The following HNRNPU variants were observed in gnomAD, a reference collection of about 807,000 sequenced individuals.
HNRNPU encodes the protein HNRNPU antisense RNA 1.
A neutral mutation model predicts 94.7 loss-of-function variants in HNRNPU; 5 were observed. The ratio of observed to expected loss-of-function variants is 0.05; its 90% confidence interval spans 0.03 to 0.11. HNRNPU has a LOEUF of 0.11. Ranked by LOEUF, HNRNPU falls within the 10% of genes least tolerant of loss-of-function variation. The pLI, the probability that HNRNPU is intolerant of heterozygous loss-of-function variation, is 1.00. For missense variants in HNRNPU, 710 were observed against 1,049.2 expected (o/e 0.68, Z 4.47); for synonymous variants, 434 against 381.6 (o/e 1.14, Z -1.60).
At chr1:244,862,947 A>G (rs1680878913) in intron 1 of HNRNPU, 1 of 582,264 alleles carries the variant, frequency 1.7e-6, no homozygotes, top group Non-Finnish European at 3.1e-6. Context: ...CTCCTCGATG[A>G]TTCGAGAAAG....
chr1:244,857,940 C>T, intron 7 of HNRNPU, 71 bp downstream of exon 7: 1 of 1,449,452 alleles, frequency 6.9e-7, no homozygotes, highest in Non-Finnish European at 9.4e-7. Flanking sequence ...TCATCTAGTT[C>T]TTCTAAATGT....
Position 244,853,477 on chromosome 1 carries a change from G to T in HNRNPU, c.*973C>A, listed in dbSNP as rs1680599492. 6.6e-6 allele frequency: 1 copy of T among 152,474 alleles called. No individual in the cohort carries two copies. Among genetic ancestry groups the T allele is most frequent in the South Asian group, 2.1e-4 (1 of 4,824 alleles). The allele number at this position is 152,474 out of a possible 1,614,324, so 9.4% of individuals were successfully genotyped here. On this transcript the variant is annotated 3_prime_UTR_variant, in exon 14 of 14. Transcript: ENST00000640218. ...AAGAAAAAGAAATCAGCAGGCTAAG[G>T]AGATACCCATTCAAGAACTGACATG...
chr1:244,859,042 G>A (rs1680755292), intron 5 of HNRNPU: 2 of 577,492 alleles, frequency 3.5e-6, no homozygotes, highest in South Asian at 2.3e-5. Flanking sequence ...ATTAGTTGAC[G>A]ATTTGCATAT....
chr1:244,859,560 A>G (rs940661691), intron 4 of HNRNPU, 186 bp from the exon 5 acceptor site: 1 of 412,016 alleles, frequency 2.4e-6, no homozygotes, highest in African/African-American at 2.0e-5. Context: ...AAATTTAAAG[A>G]GTTAAATACT....
rs969682819 is a variant in HNRNPU at position 244,850,480 on chromosome 1, C to A, written c.*3970G>T. ...TATGGAGTAGCTGTGCCCACACCCC[C>A]CCCCAAAAAAAAGCTTTAATAAAGG... On this transcript the variant is annotated 3_prime_UTR_variant, in exon 14 of 14. Coordinates refer to ENST00000640218, the MANE Select transcript of HNRNPU (RefSeq NM_031844.3). The A allele has an allele frequency of 7.1e-6, 1 of 140,590 alleles. No individual in the cohort carries two copies. Among genetic ancestry groups the A allele is most frequent in the Non-Finnish European group, 1.5e-5 (1 of 64,592 alleles). The allele number at this position is 140,590 out of a possible 1,614,324, so 8.7% of individuals were successfully genotyped here.
intron 1 of HNRNPU, 115 bp downstream of exon 1, chr1:244,863,502 C>G (rs1192000346): frequency 2.5e-6 from 3 of 1,223,664 alleles, no homozygotes; most frequent in Non-Finnish European, 3.1e-6. Flanking sequence ...CCACCCTCAC[C>G]GCGGCGCCCT....
At chr1:244,855,179 T>C in intron 12 of HNRNPU, 135 bp from the exon 13 acceptor site, 1 of 755,182 alleles carries the variant, frequency 1.3e-6, no homozygotes, top group Non-Finnish European at 2.3e-6. Context: ...AAATTCTGGA[T>C]ACCCTCTGCT....
intron 1 of HNRNPU, among the ~76,000 whole-genome samples, chr1:244,863,260 G>A (rs1340411605): frequency 6.8e-6 from 1 of 146,882 alleles, no homozygotes; most frequent in Non-Finnish European, 1.5e-5. Context: ...CCCGCACCGC[G>A]CGCACGCAGC....
At chr1:244,862,252 C>T in intron 3 of HNRNPU, 2 of 489,802 alleles carry the variant, frequency 4.1e-6, no homozygotes, top group Non-Finnish European at 7.2e-6. Flanking sequence ...AAATACGAAA[C>T]TCCTAGAGCC....
Position 244,864,013 on chromosome 1 carries a change from G to A in HNRNPU, c.295C>T (p.Leu99=), listed in dbSNP as rs1680931116. 2 of 1,613,100 alleles carry A rather than the reference G, an allele frequency of 1.2e-6. No individual in the cohort carries two copies. Among genetic ancestry groups the A allele is most frequent in the African/African-American group, 1.3e-5 (1 of 74,912 alleles). ...CCTAGCTCCATCTGGTCGCCGTCCA[G>A]AGCGGAGATTCCTTCCTCCTCCTCT... ...EEEEEEGISA[L]DGDQMELGEE... is the part of the protein sequence containing the mutation. Residue 99 remains leucine, a synonymous_variant, in exon 1 of 14, where the codon CTG becomes TTG. Coordinates refer to ENST00000640218, the MANE Select transcript of HNRNPU (RefSeq NM_031844.3).
rs946231623 is a variant in HNRNPU at position 244,851,692 on chromosome 1, C to T, written c.*2758G>A. ...TATGTATTTAAGAGTTTCCTCTTGT[C>T]ATTTCAATGTCAAATTGATTTGACT... On this transcript the variant is annotated 3_prime_UTR_variant, in exon 14 of 14. Transcript: ENST00000640218. The T allele has an allele frequency of 6.6e-6, 1 of 152,162 alleles. No homozygotes were observed. The highest frequency in any genetic ancestry group is 1.5e-5 in the Non-Finnish European group (1 of 68,026). 9.4% of individuals were successfully genotyped at this position (152,162 alleles called of 1,614,324 possible).
At chr1:244,857,242 C>A (rs1026155446) in intron 8 of HNRNPU, 4 of 217,976 alleles carry the variant, frequency 1.8e-5, no homozygotes, top group African/African-American at 9.5e-5. Flanking sequence ...TATAATTTTT[C>A]TTTTCTTTTT....
chr1:244,860,215 C>G, intron 4 of HNRNPU, 120 bp downstream of exon 4: 3 of 714,618 alleles, frequency 4.2e-6, no homozygotes, highest in Non-Finnish European at 6.9e-6. Context: ...CAAGGAGAAT[C>G]GCTTGAACCC....
At position 244,864,388 on chromosome 1, in the gene HNRNPU, T is replaced by A; in HGVS notation, c.-81A>T. 1 of 1,579,780 alleles carries A rather than the reference T, an allele frequency of 6.3e-7. No homozygotes were observed. On this transcript the variant is annotated 5_prime_UTR_variant, in exon 1 of 14. Coordinates refer to ENST00000640218, the MANE Select transcript of HNRNPU (RefSeq NM_031844.3). ...GGCCACTGGTGGCGGCTGCTGCGGC[T>A]GCTCCTCGGCCCGGGCGGCGGCTGC...
In HNRNPU at chr1:244,851,257, T is replaced by C. The variant is rs1264589224; in HGVS notation, c.*3193A>G. ...TTATGCCTCTCTGTTTATTCTAGTT[T>C]TTTAAAAATCAAATATACAAGATCT... On this transcript the variant is annotated 3_prime_UTR_variant, in exon 14 of 14. Coordinates refer to ENST00000640218, the MANE Select transcript of HNRNPU (RefSeq NM_031844.3). The C allele has an allele frequency of 6.6e-6, 1 of 152,216 alleles. No homozygotes were observed. The highest frequency in any genetic ancestry group is 1.5e-5 in the Non-Finnish European group (1 of 68,034). 9.4% of individuals were successfully genotyped at this position (152,216 alleles called of 1,614,324 possible). A position where few individuals can be genotyped will look rare whatever the true frequency, so the allele number is the denominator to read the frequency against.
chr1:244,858,148 A>C lies in HNRNPU; in HGVS notation c.1357T>G (p.Cys453Gly). 3.1e-6 allele frequency: 5 copies of C among 1,614,196 alleles called. No homozygotes were observed. Among genetic ancestry groups the C allele is most frequent in the Non-Finnish European group, 4.2e-6 (5 of 1,180,034 alleles). The change falls in exon 7 of 14, where the codon TGT becomes GGT. Residue 453 changes from cysteine (C) to glycine (G), a missense_variant. Coordinates refer to ENST00000640218, the MANE Select transcript of HNRNPU (RefSeq NM_031844.3). ...TGACCAAAATTAAATTCAACTGCAC[A>C]GTTGTGGCAGAGAACATGCGGGAAC... ...PLFPHVLCHN[C>G]AVEFNFGQKE...
chr1:244,861,013 CTG>C (rs1680811238), intron 3 of HNRNPU: 2 of 153,128 alleles, frequency 1.3e-5, no homozygotes, highest in Non-Finnish European at 2.9e-5. Flanking sequence ...CCGTCTAATG[CTG>C]TTAATAGTGC....
At chr1:244,860,953 T>C (rs374264803) in intron 3 of HNRNPU, 12 of 158,610 alleles carry the variant, frequency 7.6e-5, no homozygotes, top group Middle Eastern at 3.1e-3. Flanking sequence ...TAAATTCTTT[T>C]TCTAAAACTT....
chr1:244,859,041 C>T (rs1416002662), intron 5 of HNRNPU, 200 bp from the exon 6 acceptor site: 5 of 576,922 alleles, frequency 8.7e-6, no homozygotes, highest in East Asian at 8.6e-5. Context: ...AATTAGTTGA[C>T]GATTTGCATA....
Sources: allele counts gnomAD v4.1 joint callset (sites outside exome capture counted in the v4.1 genomes callset), GRCh38; gene constraint gnomAD v4.1.1; transcripts MANE v1.5; gene names NCBI Gene and HGNC (gene_info 2026-07-23, HGNC 2026-07-21).